Variants in KCND2 observed in about 807,000 individuals in gnomAD.
KCND2 encodes potassium voltage-gated channel subfamily D member 2, also known as A-type voltage-gated potassium channel KCND2.
A neutral mutation model predicts 54.4 loss-of-function variants in KCND2; 16 were observed. The observed-to-expected ratio is 0.29, with a 90% confidence interval of 0.20 to 0.45. The LOEUF (loss-of-function observed/expected upper bound fraction) is 0.45. KCND2 is among the 20% of genes least tolerant of loss of function. The probability of loss-of-function intolerance (pLI) is 1.00; values close to 1 mark genes in which losing one functional copy is unlikely to be tolerated. For missense variants in KCND2, 486 were observed against 824.2 expected (o/e 0.59, Z 5.02); for synonymous variants, 317 against 310.7 (o/e 1.02, Z -0.21).
At chr7:120,321,451 T>A (rs1428146928) in intron 1 of KCND2, among the ~76,000 whole-genome samples, 1 of 152,124 alleles carries the variant, frequency 6.6e-6, no homozygotes, top group African/African-American at 2.4e-5. Flanking sequence ...ATTTATTTGT[T>A]AGAAAGTTAC....
chr7:120,473,948 T>G lies in KCND2; in HGVS notation c.1115+198201T>G, dbSNP rs957814650. ...AACTTAGGACTTCAGGGTAGTGTTC[T>G]TTATCCAGGTAGTTGCTGCTTGTCC... On this transcript the variant is annotated intron_variant, in intron 1 of 5. Transcript: ENST00000331113. Among the ~76,000 whole-genome samples the G allele has an allele frequency of 3.9e-5, 6 of 152,164 alleles. No homozygotes were observed. The East Asian group carries it at 9.6e-4, about 24-fold the overall frequency.
chr7:120,454,641 C>T (rs1562842648), intron 1 of KCND2, among the ~76,000 whole-genome samples: 1 of 152,124 alleles, frequency 6.6e-6, no homozygotes, highest in Non-Finnish European at 1.5e-5. Flanking sequence ...AGAGCTTGTA[C>T]CATTCCTACT....
chr7:120,614,256 G>T (rs1410742790), intron 1 of KCND2, among the ~76,000 whole-genome samples: 1 of 152,094 alleles, frequency 6.6e-6, no homozygotes, highest in Non-Finnish European at 1.5e-5. Context: ...CAGGTGAGCC[G>T]CCCTCCTTGG....
At chr7:120,568,657 G>A (rs1792327534) in intron 1 of KCND2, among the ~76,000 whole-genome samples, 1 of 152,108 alleles carries the variant, frequency 6.6e-6, no homozygotes, top group African/African-American at 2.4e-5. Flanking sequence ...TGGGTTCTGA[G>A]CCAGACTGCC....
intron 1 of KCND2, among the ~76,000 whole-genome samples, chr7:120,432,916 A>C (rs1563044430): frequency 1.3e-5 from 2 of 152,098 alleles, no homozygotes; most frequent in Non-Finnish European, 2.9e-5. Context: ...GCACCACTTC[A>C]AAACCCTTCA....
At chr7:120,387,475 T>C (rs1801007713) in intron 1 of KCND2, among the ~76,000 whole-genome samples, 1 of 152,044 alleles carries the variant, frequency 6.6e-6, no homozygotes, top group South Asian at 2.1e-4. Flanking sequence ...TGCCTATATG[T>C]CATCTCATAA....
chr7:120,646,464 C>T (rs1793443451), intron 1 of KCND2, among the ~76,000 whole-genome samples: 1 of 152,034 alleles, frequency 6.6e-6, no homozygotes, highest in Admixed American at 6.6e-5. Context: ...AGATATTTGT[C>T]TTTCAATTTT....
chr7:120,499,386 A>G (rs1377802243), intron 1 of KCND2, among the ~76,000 whole-genome samples: 2 of 152,110 alleles, frequency 1.3e-5, no homozygotes, highest in Non-Finnish European at 2.9e-5. Flanking sequence ...TTCCAAAATA[A>G]GACAGAAAAC....
At chr7:120,394,352 C>A (rs1801121892) in intron 1 of KCND2, among the ~76,000 whole-genome samples, 1 of 151,820 alleles carries the variant, frequency 6.6e-6, no homozygotes, top group Non-Finnish European at 1.5e-5. Flanking sequence ...GGAGGGGCCA[C>A]AAGACTAGTT....
At chr7:120,613,384 AGC>A (rs1007800307) in intron 1 of KCND2, among the ~76,000 whole-genome samples, 24 of 152,250 alleles carry the variant, frequency 1.6e-4, no homozygotes, top group African/African-American at 5.1e-4. Flanking sequence ...TACAAACATT[AGC>A]TGGGTGTAGT....
chr7:120,306,930 G>C (rs1364641851), intron 1 of KCND2, among the ~76,000 whole-genome samples: 1 of 151,910 alleles, frequency 6.6e-6, no homozygotes, highest in African/African-American at 2.4e-5. Flanking sequence ...CCTGACTCTG[G>C]CAAAAGATAA....
Position 120,562,689 on chromosome 7 carries a change from T to C in KCND2, c.1116-170214T>C, listed in dbSNP as rs183766328. Reference sequence around the variant, plus strand: ...ACAAAAAAGTCTCTTAAGGGGAAATTATTTGCCAACATTTGAGACATTTAA... The same window carrying C: ...ACAAAAAAGTCTCTTAAGGGGAAATCATTTGCCAACATTTGAGACATTTAA... On this transcript the variant is annotated intron_variant, in intron 1 of 5. Coordinates refer to ENST00000331113, the MANE Select transcript of KCND2 (RefSeq NM_012281.3). 3.3e-5 allele frequency among the ~76,000 whole-genome samples: 5 copies of C among 152,318 alleles called. No individual in the cohort carries two copies. The East Asian group carries it at 7.7e-4, about 23-fold the overall frequency.
At chr7:120,445,375 C>T (rs934900052) in intron 1 of KCND2, among the ~76,000 whole-genome samples, 1 of 152,220 alleles carries the variant, frequency 6.6e-6, no homozygotes, top group African/African-American at 2.4e-5. Context: ...TTCTGTGTTT[C>T]TATTAATTTT....
intron 1 of KCND2, among the ~76,000 whole-genome samples, chr7:120,407,513 A>G (rs1801379501): frequency 6.6e-6 from 1 of 151,982 alleles, no homozygotes; most frequent in Non-Finnish European, 1.5e-5. Context: ...TTTTGGTTCC[A>G]TCACTAACCA....
intron 1 of KCND2, among the ~76,000 whole-genome samples, chr7:120,686,068 A>C (rs1380349006): frequency 1.3e-5 from 2 of 152,162 alleles, no homozygotes; most frequent in Admixed American, 1.3e-4. Flanking sequence ...TTAATACTTA[A>C]GGGGTATACC....
In KCND2 at chr7:120,425,949, T is replaced by C. The variant is rs558959802; in HGVS notation, c.1115+150202T>C. ...TTTCCCATTTCTATCTTGACTCTAT[T>C]TTTTTTTTTTAGAACTAGTTAATTT... is the stretch of plus-strand genomic sequence containing the variant. On this transcript the variant is annotated intron_variant, in intron 1 of 5. Coordinates refer to ENST00000331113, the MANE Select transcript of KCND2 (RefSeq NM_012281.3). Among the ~76,000 whole-genome samples the C allele has an allele frequency of 3.9e-4, 33 of 85,676 alleles. No individual in the cohort carries two copies. The South Asian group carries it at 8.4e-3, about 22-fold the overall frequency. The allele number at this position is 85,676 out of a possible 152,430, so 56.2% of individuals were successfully genotyped here. A position where few individuals can be genotyped will look rare whatever the true frequency, so the allele number is the denominator to read the frequency against.
At chr7:120,473,920 A>G (rs1029772556) in intron 1 of KCND2, among the ~76,000 whole-genome samples, 1 of 152,194 alleles carries the variant, frequency 6.6e-6, no homozygotes. Flanking sequence ...GGGAGGAATC[A>G]GCAACTTAGG....
At chr7:120,483,362 C>G (rs1802634232) in intron 1 of KCND2, among the ~76,000 whole-genome samples, 1 of 152,092 alleles carries the variant, frequency 6.6e-6, no homozygotes, top group African/African-American at 2.4e-5. Context: ...AAGAAAAGCT[C>G]AATAGGCAAC....
chr7:120,708,903 T>C (rs1164567915), intron 1 of KCND2, among the ~76,000 whole-genome samples: 1 of 152,132 alleles, frequency 6.6e-6, no homozygotes, highest in Non-Finnish European at 1.5e-5. Context: ...CCTGTTTTGT[T>C]TACCCAGTAG....
Sources: allele counts gnomAD v4.1 joint callset (sites outside exome capture counted in the v4.1 genomes callset), GRCh38; gene constraint gnomAD v4.1.1; transcripts MANE v1.5; gene names NCBI Gene and HGNC (gene_info 2026-07-23, HGNC 2026-07-21).